COPS7A: variants seen among roughly 807,000 people sequenced by gnomAD.
The protein encoded by COPS7A is COP9 signalosome subunit 7A.
COPS7A carries 20 observed loss-of-function variants against 35.2 expected under a neutral mutation model. The ratio of observed to expected loss-of-function variants is 0.57; its 90% CI spans 0.40 to 0.83. The LOEUF (loss-of-function observed/expected upper bound fraction) is 0.83, where lower values mean the gene tolerates loss of function less well. Ranked by LOEUF, COPS7A falls within the 40% of genes least tolerant of loss-of-function variation. COPS7A has a pLI of 0.00. For synonymous variants in COPS7A, 139 were observed against 141.4 expected (o/e 0.98, Z 0.12); for missense variants, 247 against 347.5 (o/e 0.71, Z 2.30).
chr12:6,725,305 C>T (rs1423202231), intron 2 of COPS7A, among the ~76,000 whole-genome samples: 3 of 152,002 alleles, frequency 2.0e-5, no homozygotes, highest in East Asian at 1.9e-4. Context: ...TACAGGCGCC[C>T]GCCACCATGC....
Position 6,730,542 on chromosome 12 carries a change from C to T in COPS7A, c.636+35C>T, listed in dbSNP as rs780993893. ...CAGGGGAGCAGGCAGACCCAAACTC[C>T]TCCAGCCTGGGCGACTTGTCCTTTG... On this transcript the variant is annotated intron_variant, in intron 6 of 7. Coordinates refer to ENST00000543155, the MANE Select transcript of COPS7A (RefSeq NM_001164094.2). 8 of 1,611,964 alleles carry T rather than the reference C, an allele frequency of 5.0e-6. No individual in the cohort carries two copies. In the African/African-American group the frequency reaches 5.3e-5, roughly 11 times the overall value.
chr12:6,724,639 C>T lies in COPS7A; in HGVS notation c.-18C>T, dbSNP rs772319223. On this transcript the variant is annotated 5_prime_UTR_variant, in exon 2 of 8. Coordinates refer to ENST00000543155, the MANE Select transcript of COPS7A (RefSeq NM_001164094.2). The stretch of plus-strand genomic sequence containing the variant: ...CTCTGGACATCCTGAGCCCAAGTCC[C>T]CCACACTCAGTGCAGTGATGAGTGC... 12 of 1,613,960 alleles carry T rather than the reference C, an allele frequency of 7.4e-6. No individual in the cohort carries two copies. The East Asian group carries it at 2.2e-4, about 30-fold the overall frequency.
intron 3 of COPS7A, 111 bp downstream of exon 3, chr12:6,728,112 G>A (rs1303375490): frequency 6.9e-7 from 1 of 1,450,318 alleles, no homozygotes; most frequent in Non-Finnish European, 9.7e-7. Flanking sequence ...GGATGCATAG[G>A]GTCAGGGTCA....
rs1362132880 is a variant in COPS7A at position 6,730,382 on chromosome 12, C to G, written c.531-20C>G. Reference sequence around the variant, plus strand: ...TCGCAGCCCTTGTCTGCTGACACTTCTCTCCCCTGACTCCTGCAGGTGTGT... The same window carrying G: ...TCGCAGCCCTTGTCTGCTGACACTTGTCTCCCCTGACTCCTGCAGGTGTGT... On this transcript the variant is annotated intron_variant, in intron 5 of 7. Transcript: ENST00000543155. The G allele has an allele frequency of 6.2e-7, 1 of 1,611,848 alleles. No homozygotes were observed. Among genetic ancestry groups the G allele is most frequent in the South Asian group, 1.1e-5 (1 of 91,020 alleles).
At chr12:6,727,612 T>C (rs774400042) in intron 2 of COPS7A, 1 of 510,890 alleles carries the variant, frequency 2.0e-6, no homozygotes, top group African/African-American at 1.9e-5. Flanking sequence ...CAATTTGCAG[T>C]GTCTGGTGTG....
intron 2 of COPS7A, among the ~76,000 whole-genome samples, chr12:6,726,793 G>T (rs1941268439): frequency 6.6e-6 from 1 of 151,982 alleles, no homozygotes; most frequent in Non-Finnish European, 1.5e-5. Flanking sequence ...TTATTAAGTG[G>T]CTCTTTACTA....
At chr12:6,730,253 G>C (rs986956445) in intron 5 of COPS7A, 149 bp from the exon 6 acceptor site, 11 of 670,712 alleles carry the variant, frequency 1.6e-5, no homozygotes, top group Non-Finnish European at 2.6e-5. Flanking sequence ...CTGAGCTTAA[G>C]CAATTCGCCC....
At chr12:6,728,373 A>G in intron 4 of COPS7A, 62 bp downstream of exon 4, 3 of 1,398,310 alleles carry the variant, frequency 2.1e-6, no homozygotes, top group Non-Finnish European at 3.0e-6. Flanking sequence ...TTGGGAGTCC[A>G]CACTAGGACA....
Position 6,730,658 on chromosome 12 carries a change from C to T in COPS7A, c.637-11C>T. 6.2e-7 allele frequency: 1 copy of T among 1,614,068 alleles called. No individual in the cohort carries two copies. Among genetic ancestry groups the T allele is most frequent in the Non-Finnish European group, 8.5e-7 (1 of 1,179,976 alleles). On this transcript the variant is annotated splice_polypyrimidine_tract_variant and intron_variant, in intron 6 of 7. Coordinates refer to ENST00000543155, the MANE Select transcript of COPS7A (RefSeq NM_001164094.2). The stretch of plus-strand genomic sequence containing the variant: ...CCTTCCTTGCTATCCCCATTCCTTT[C>T]ATCCTGGTAGGTTGCCAACCTTAAA...
chr12:6,725,182 A>G (rs2137744682), intron 2 of COPS7A, among the ~76,000 whole-genome samples: 1 of 137,070 alleles, frequency 7.3e-6, no homozygotes, highest in East Asian at 2.1e-4. Flanking sequence ...TTTGAGACGG[A>G]GTCTTGCTCT....
intron 1 of COPS7A, 128 bp from the exon 2 acceptor site, chr12:6,724,486 G>C (rs1019256093): frequency 8.8e-6 from 7 of 792,154 alleles, no homozygotes; most frequent in African/African-American, 8.5e-5. Context: ...CAGAATTTTA[G>C]ACCGCTCCAT....
Position 6,724,637 on chromosome 12 carries a change from C to A in COPS7A, c.-20C>A, listed in dbSNP as rs1941203494. ...AGCTCTGGACATCCTGAGCCCAAGT[C>A]CCCCACACTCAGTGCAGTGATGAGT... On this transcript the variant is annotated 5_prime_UTR_variant, in exon 2 of 8. Coordinates refer to ENST00000543155, the MANE Select transcript of COPS7A (RefSeq NM_001164094.2). The A allele has an allele frequency of 3.7e-6, 6 of 1,613,924 alleles. No individual in the cohort carries two copies. The East Asian group carries it at 8.9e-5, about 24-fold the overall frequency.
intron 4 of COPS7A, among the ~76,000 whole-genome samples, chr12:6,728,847 G>T (rs1476129403): frequency 6.6e-6 from 1 of 152,142 alleles, no homozygotes; most frequent in East Asian, 1.9e-4. Flanking sequence ...TTGCAGGTAG[G>T]CAGAGTATAA....
Position 6,724,823 on chromosome 12 carries a change from G to A in COPS7A, c.162+5G>A, listed in dbSNP as rs1412082842. The stretch of plus-strand genomic sequence containing the variant: ...GACATGCCCAATGTTAGAGAGGTGG[G>A]TTGCTGGCTTGAATAGCCCTCAGAG... On this transcript the variant is annotated splice_donor_5th_base_variant and intron_variant, in intron 2 of 7. Transcript: ENST00000543155. The A allele has an allele frequency of 6.2e-7, 1 of 1,614,074 alleles. No individual in the cohort carries two copies. The highest frequency in any genetic ancestry group is 1.3e-5 in the African/African-American group (1 of 75,042).
At chr12:6,726,052 T>C (rs1402242803) in intron 2 of COPS7A, 1 of 385,710 alleles carries the variant, frequency 2.6e-6, no homozygotes. Flanking sequence ...CGGTGGCTCA[T>C]GCCTGTAATC....
intron 2 of COPS7A, among the ~76,000 whole-genome samples, chr12:6,727,108 A>C (rs1175397881): frequency 1.3e-5 from 2 of 152,124 alleles, no homozygotes; most frequent in Non-Finnish European, 2.9e-5. Flanking sequence ...AGGCCAAGGC[A>C]GGTGGATCAC....
In COPS7A at chr12:6,730,746, C is replaced by A; in HGVS notation, c.714C>A (p.His238Gln). Residue 238 changes from histidine to glutamine, a missense_variant, in exon 7 of 8, where the codon CAC (histidine) becomes CAA (glutamine). His to Gln is a conservative substitution (Grantham distance 24, BLOSUM62 0). Transcript: ENST00000543155. ...CCACATCTCAGGACCCTGAGCAACA[C>A]CTGACTGAGCTGAGGGAACCAGCTC... Reference protein sequence around the residue: ...AAATSQDPEQHLTELREPAPG... With the variant: ...AAATSQDPEQQLTELREPAPG... The A allele has an allele frequency of 1.2e-6, 2 of 1,614,194 alleles. No homozygotes were observed. Among genetic ancestry groups the A allele is most frequent in the East Asian group, 4.5e-5 (2 of 44,886 alleles).
intron 2 of COPS7A, 116 bp downstream of exon 2, chr12:6,724,934 G>A: frequency 2.6e-6 from 3 of 1,149,248 alleles, no homozygotes; most frequent in Non-Finnish European, 3.7e-6. Context: ...CAAGAAAACA[G>A]TGATAATTAA....
chr12:6,724,712 C>G lies in COPS7A; in HGVS notation c.56C>G (p.Ala19Gly), dbSNP rs1438828117. The G allele has an allele frequency of 5.0e-6, 8 of 1,614,014 alleles. No homozygotes were observed. The highest frequency in any genetic ancestry group is 6.8e-6 in the Non-Finnish European group (8 of 1,180,022). Residue 19 changes from alanine (A) to glycine (G), a missense_variant, in exon 2 of 8, where the codon GCC becomes GGC. By Grantham distance (60) the Ala-to-Gly change is moderately conservative. Coordinates refer to ENST00000543155, the MANE Select transcript of COPS7A (RefSeq NM_001164094.2). ...AACCAGGAGCAATTTCTGCTCCTAG[C>G]CAAGTCGGCCAAGGGGGCAGCGCTG... ...GQNQEQFLLL[A>G]KSAKGAALAT...
Sources: gnomAD v4.1 joint callset for allele counts (sites outside exome capture counted in the v4.1 genomes callset) on GRCh38, gnomAD v4.1.1 for gene constraint, MANE v1.5 for transcripts, NCBI Gene and HGNC (gene_info 2026-07-23, HGNC 2026-07-21) for gene names.